The following AKR1C2 variants were observed in gnomAD, a reference collection of about 807,000 sequenced individuals.
The protein encoded by AKR1C2 is aldo-keto reductase family 1 member C2, also known as 3-alpha-HSD3.
A neutral mutation model predicts 39.8 loss-of-function variants in AKR1C2; 27 were observed. The observed-to-expected ratio is 0.68, with a 90% CI of 0.50 to 0.93. The LOEUF (loss-of-function observed/expected upper bound fraction) is 0.93, where lower values mean the gene tolerates loss of function less well. AKR1C2 is among the 40% of genes least tolerant of loss of function. The pLI, the probability that AKR1C2 is intolerant of heterozygous loss-of-function variation, is 0.00. For synonymous variants in AKR1C2, 114 were observed against 137.9 expected (o/e 0.83, Z 1.22); for missense variants, 263 against 365.1 (o/e 0.72, Z 2.28).
At chr10:4,994,179 T>G (rs1293335518) in intron 7 of AKR1C2, among the ~76,000 whole-genome samples, 3 of 151,920 alleles carry the variant, frequency 2.0e-5, no homozygotes, top group Non-Finnish European at 4.4e-5. Context: ...TGTATCTAAC[T>G]AATTAGAAAA....
intron 1 of AKR1C2, among the ~76,000 whole-genome samples, chr10:5,014,062 G>A (rs1308369861): frequency 1.3e-5 from 2 of 152,112 alleles, no homozygotes; most frequent in East Asian, 1.9e-4. Context: ...ACTAAATAAT[G>A]TCCCTTTGTA....
intron 7 of AKR1C2, among the ~76,000 whole-genome samples, chr10:4,992,925 G>A (rs553137184): frequency 6.6e-6 from 1 of 152,154 alleles, no homozygotes; most frequent in Non-Finnish European, 1.5e-5. Context: ...ACTCCACCCT[G>A]GGTGACAGAA....
intron 1 of AKR1C2, chr10:5,010,652 C>T (rs1394453914): frequency 6.6e-6 from 1 of 152,148 alleles, no homozygotes; most frequent in African/African-American, 2.4e-5. Flanking sequence ...GCACTCTTCC[C>T]ACTGTAGTTC....
intron 3 of AKR1C2, chr10:5,000,173 G>T: frequency 6.5e-6 from 9 of 1,374,194 alleles, no homozygotes; most frequent in East Asian, 2.7e-5. Context: ...AACTCATTGT[G>T]CACCCTATGT....
rs564210644 is a variant in AKR1C2, at chr10:4,989,719, G to C, written c.*277C>G. ...TAAACGTATAGGCAAATCACAATTT[G>C]GGGGCACTAGTGTGTCAGAAGGAGA... On this transcript the variant is annotated 3_prime_UTR_variant, in exon 9 of 9. Transcript: ENST00000380753. 2 of 504,888 alleles carry C rather than the reference G, an allele frequency of 4.0e-6. No homozygotes were observed. The highest frequency in any genetic ancestry group is 7.0e-6 in the Non-Finnish European group (2 of 284,722). The allele number at this position is 504,888 out of a possible 1,614,324, so 31.3% of individuals were successfully genotyped here. A position where few individuals can be genotyped will look rare whatever the true frequency, so the allele number is the denominator to read the frequency against.
At position 5,000,558 on chromosome 10, in the gene AKR1C2, A is replaced by G. The variant is rs782364159; in HGVS notation, c.361T>C (p.Ser121Pro). Reference sequence around the variant, plus strand: ...TCACACAAGCTGCCTACCTTTACAGACACTGGAAAATGAATAAGATAGAGG... The same window carrying G: ...TCACACAAGCTGCCTACCTTTACAGGCACTGGAAAATGAATAAGATAGAGG... The part of the protein sequence containing the change: ...VDLYLIHFPV[S>P]VKPGEEVIPK... Residue 121 changes from serine to proline, a missense_variant, in exon 3 of 9, where the codon TCT becomes CCT. Around this residue, in one of 3 missense-constraint regions of AKR1C2, gnomAD observed 247 missense variants for 267.9 expected, o/e 0.92. Transcript: ENST00000380753. 1.9e-6 allele frequency: 3 copies of G among 1,613,928 alleles called. No homozygotes were observed. Among genetic ancestry groups the G allele is most frequent in the Admixed American group, 3.3e-5 (2 of 60,008 alleles).
At chr10:5,011,990 A>G (rs1177368909) in intron 1 of AKR1C2, among the ~76,000 whole-genome samples, 4 of 152,196 alleles carry the variant, frequency 2.6e-5, no homozygotes, top group African/African-American at 9.6e-5. Context: ...TTGAGAATGT[A>G]AAGAACAGCA....
chr10:5,005,576 G>T (rs782597648), upstream of AKR1C2, among the ~76,000 whole-genome samples: 1 of 152,008 alleles, frequency 6.6e-6, no homozygotes, highest in Non-Finnish European at 1.5e-5. Context: ...CCAGCTACTC[G>T]GTAGGCTAAA....
upstream of AKR1C2, among the ~76,000 whole-genome samples, chr10:5,005,744 A>G (rs750514411): frequency 2.2e-4 from 34 of 152,208 alleles, no homozygotes; most frequent in Non-Finnish European, 4.3e-4. Context: ...TGAGGAAGAA[A>G]TAAATCAGTA....
intron 3 of AKR1C2, 36 bp downstream of exon 3, chr10:5,000,514 A>G (rs782620325): frequency 1.2e-6 from 2 of 1,613,670 alleles, no homozygotes; most frequent in Non-Finnish European, 1.7e-6. Context: ...TGCTGAGAAC[A>G]AAAGTGAAAT....
chr10:4,998,984 G>T lies in AKR1C2; in HGVS notation c.447+216C>A, dbSNP rs567949885. 2.4e-4 allele frequency among the ~76,000 whole-genome samples: 37 copies of T among 152,198 alleles called. No homozygotes were observed. The East Asian group carries it at 3.3e-3, about 14-fold the overall frequency. Reference sequence around the variant, plus strand: ...AGAGATTAATGTACAGGCAAGGAAAGAAATCCCAGTCCTCCTTACCCCCAA... The same window carrying T: ...AGAGATTAATGTACAGGCAAGGAAATAAATCCCAGTCCTCCTTACCCCCAA... On this transcript the variant is annotated intron_variant, in intron 4 of 8. Coordinates refer to ENST00000380753, the MANE Select transcript of AKR1C2 (RefSeq NM_001393392.1).
upstream of AKR1C2, among the ~76,000 whole-genome samples, chr10:5,008,733 C>G (rs1425454383): frequency 6.6e-6 from 1 of 152,204 alleles, no homozygotes; most frequent in African/African-American, 2.4e-5. Context: ...TCATGTGCCT[C>G]AAGTAAATAA....
intron 5 of AKR1C2, among the ~76,000 whole-genome samples, chr10:4,996,943 T>TG (rs1185915633): frequency 1.3e-5 from 2 of 152,082 alleles, no homozygotes; most frequent in Non-Finnish European, 2.9e-5. Flanking sequence ...ATCACTGATG[T>TG]ATACTCAATC....
At position 4,999,015 on chromosome 10, in the gene AKR1C2, C is replaced by G. The variant is rs569261119; in HGVS notation, c.447+185G>C. Among the ~76,000 whole-genome samples the G allele has an allele frequency of 1.0e-3, 159 of 152,162 alleles. 1 individual carries two copies. The highest frequency in any genetic ancestry group is 3.7e-3 in the African/African-American group (154 of 41,506). ...CCAGTCCTCCTTACCCCCAATTCTTCTCCTCCACTTCTCTCTTTTGTATGC... is the reference window on the plus strand; with the variant it reads ...CCAGTCCTCCTTACCCCCAATTCTTGTCCTCCACTTCTCTCTTTTGTATGC... On this transcript the variant is annotated intron_variant, in intron 4 of 8. Coordinates refer to ENST00000380753, the MANE Select transcript of AKR1C2 (RefSeq NM_001393392.1).
rs1306626746 is a variant in AKR1C2 at position 5,000,074 on chromosome 10, C to G, written c.369+476G>C. 19 of 1,105,174 alleles carry G rather than the reference C, an allele frequency of 1.7e-5. No homozygotes were observed. In the Admixed American group the frequency reaches 8.6e-4, roughly 50 times the overall value. The allele number at this position is 1,105,174 out of a possible 1,614,324, so 68.5% of individuals were successfully genotyped here. A position where few individuals can be genotyped will look rare whatever the true frequency, so the allele number is the denominator to read the frequency against. On this transcript the variant is annotated intron_variant, in intron 3 of 8. Coordinates refer to ENST00000380753, the MANE Select transcript of AKR1C2 (RefSeq NM_001393392.1). Reference sequence around the variant, plus strand: ...ACCTCCAGTGTGAAAAGAGAGGAAGCAGAAGCAACAAGGTTTCCCATGAAG... The same window carrying G: ...ACCTCCAGTGTGAAAAGAGAGGAAGGAGAAGCAACAAGGTTTCCCATGAAG...
chr10:4,991,089 T>C (rs1158910307), intron 8 of AKR1C2, among the ~76,000 whole-genome samples: 1 of 151,172 alleles, frequency 6.6e-6, no homozygotes, highest in African/African-American at 2.5e-5. Flanking sequence ...AACCTTAGAA[T>C]ATAGAGGAAT....
upstream of AKR1C2, among the ~76,000 whole-genome samples, chr10:5,005,820 A>G (rs1334428797): frequency 2.0e-5 from 3 of 152,374 alleles, no homozygotes; most frequent in Admixed American, 6.5e-5. Context: ...GCTGTCTTAA[A>G]TATGCTAAAA....
chr10:5,009,679 C>T (rs7088509), intron 1 of AKR1C2, among the ~76,000 whole-genome samples: 126,039 of 151,968 alleles, frequency 0.83, 52,388 homozygotes, highest in South Asian at 0.86. Flanking sequence ...TGTTTTCACG[C>T]CCCCAAAATT....
Position 4,995,957 on chromosome 10 carries a change from G to C in AKR1C2, c.571-92C>G, listed in dbSNP as rs2518034. 0.3 allele frequency: 429,382 copies of C among 1,443,330 alleles called. 71,401 individuals are homozygous for C. The highest frequency in any genetic ancestry group is 0.64 in the East Asian group (24,242 of 38,020). The allele number at this position is 1,443,330 out of a possible 1,614,324, so 89.4% of individuals were successfully genotyped here. A position where few individuals can be genotyped will look rare whatever the true frequency, so the allele number is the denominator to read the frequency against. ...AGTAAAAGAAGCTGAATAATGTAGA[G>C]CATTAAATTTGAACTGAGAATATTA... is the stretch of plus-strand genomic sequence containing the variant. On this transcript the variant is annotated intron_variant, in intron 5 of 8. Transcript: ENST00000380753.
Sources: gnomAD v4.1 joint callset for allele counts (sites outside exome capture counted in the v4.1 genomes callset) on GRCh38, gnomAD v4.1.1 for gene constraint, gnomAD v4.1.1 regional missense constraint, MANE v1.5 for transcripts, NCBI Gene and HGNC (gene_info 2026-07-23, HGNC 2026-07-21) for gene names.